The following FAM50B variants were observed in gnomAD, a reference collection of about 807,000 sequenced individuals.
FAM50B encodes protein FAM50B.
A neutral mutation model predicts 25.4 loss-of-function variants in FAM50B; 9 were observed. The observed-to-expected ratio is 0.35, with a 90% CI of 0.21 to 0.62. FAM50B has a LOEUF of 0.62. FAM50B is among the 20% of genes least tolerant of loss of function. FAM50B has a pLI of 0.73. For missense variants in FAM50B, 372 were observed against 477.9 expected (o/e 0.78, Z 2.07); for synonymous variants, 212 against 204.3 (o/e 1.04, Z -0.32).
chr6:3,844,578 G>A (rs1762100412), upstream of FAM50B, among the ~76,000 whole-genome samples: 1 of 152,114 alleles, frequency 6.6e-6, no homozygotes, highest in Non-Finnish European at 1.5e-5. Flanking sequence ...GGGCGTGGTG[G>A]TGGGCGCCTG....
the FAM50B span, among the ~76,000 whole-genome samples, chr6:3,841,548 G>T: frequency 6.6e-6 from 1 of 152,170 alleles, no homozygotes; most frequent in Non-Finnish European, 1.5e-5. Flanking sequence ...TTATAACGTT[G>T]TCAGAGACAA....
In FAM50B at chr6:3,850,121, C is replaced by T. The variant is rs1244172012; in HGVS notation, c.310C>T (p.Gln104Ter). 3 of 1,609,524 alleles carry T rather than the reference C, an allele frequency of 1.9e-6. No homozygotes were observed. Among genetic ancestry groups the T allele is most frequent in the African/African-American group, 1.3e-5 (1 of 74,886 alleles). Reference protein sequence around the residue: ...LEEQRLQQERQREQEQRRERK... With the variant: ...LEEQRLQQER ...GGAGCAGCGGCTGCAGCAGGAGCGG[C>T]AGCGGGAGCAGGAGCAGCGGCGCGA... The change falls in exon 2 of 2, where the codon CAG (glutamine) becomes TAG (stop). Residue 104 changes from glutamine (Q) to a stop codon, truncating the protein, a stop_gained. Transcript: ENST00000648326. LOFTEE classifies it high-confidence loss of function.
At chr6:3,841,460 T>C in the FAM50B span, among the ~76,000 whole-genome samples, 1 of 152,054 alleles carries the variant, frequency 6.6e-6, no homozygotes, top group Non-Finnish European at 1.5e-5. Context: ...CATAGAGGGG[T>C]GTTCTCTACA....
chr6:3,844,291 TAGAACAGA>T, the FAM50B span, among the ~76,000 whole-genome samples: 108 of 152,358 alleles, frequency 7.1e-4, no homozygotes, highest in South Asian at 9.5e-3. Context: ...TCTGAGTCAC[TAGAACAGA>T]ATGCTGCTCC....
At chr6:3,848,748 T>G (rs139298797), upstream of FAM50B, among the ~76,000 whole-genome samples, 454 of 152,278 alleles carry the variant, frequency 3.0e-3, 5 homozygotes, top group African/African-American at 9.5e-3. Flanking sequence ...GTAAAGACAC[T>G]GCTACACTTT....
chr6:3,850,072 G>T lies in FAM50B; in HGVS notation c.261G>T (p.Gln87His), dbSNP rs758842799. 1 of 1,610,590 alleles carries T rather than the reference G, an allele frequency of 6.2e-7. No homozygotes were observed. Among genetic ancestry groups the T allele is most frequent in the South Asian group, 1.1e-5 (1 of 90,892 alleles). ...QEALVRERER[Q>H]LAKRQHLEEQ... ...CCCTGGTCAGGGAGCGCGAGCGGCAGCTGGCCAAGCGCCAGCACCTGGAGG... is the reference window on the plus strand; with the variant it reads ...CCCTGGTCAGGGAGCGCGAGCGGCATCTGGCCAAGCGCCAGCACCTGGAGG... Residue 87 changes from glutamine to histidine, a missense_variant, in exon 2 of 2, where the codon CAG becomes CAT. By Grantham distance (24) the Gln-to-His change is conservative (BLOSUM62 0). Transcript: ENST00000648326.
chr6:3,833,816 TC>T, the FAM50B span: 1 of 151,982 alleles, frequency 6.6e-6, no homozygotes, highest in Non-Finnish European at 1.5e-5. Context: ...AACTGTTGAG[TC>T]AAGTCACATC....
At chr6:3,839,075 T>C in the FAM50B span, among the ~76,000 whole-genome samples, 1 of 151,714 alleles carries the variant, frequency 6.6e-6, no homozygotes, top group East Asian at 1.9e-4. Context: ...TCGGGTGATT[T>C]ATAAAGAAAA....
chr6:3,835,935 A>C, the FAM50B span, among the ~76,000 whole-genome samples: 1 of 152,192 alleles, frequency 6.6e-6, no homozygotes, highest in Non-Finnish European at 1.5e-5. Context: ...ATTTGTTAAG[A>C]GTCAATTTTG....
chr6:3,850,978 G>A lies in FAM50B; in HGVS notation c.*189G>A. The A allele has an allele frequency of 1.1e-6, 1 of 930,100 alleles. No homozygotes were observed. Among genetic ancestry groups the A allele is most frequent in the African/African-American group, 1.7e-5 (1 of 59,698 alleles). The allele number at this position is 930,100 out of a possible 1,614,324, so 57.6% of individuals were successfully genotyped here. The stretch of plus-strand genomic sequence containing the variant: ...TGGTTGCTTGGTTGGTCTTTTCTGA[G>A]TATTTTAGTGTTGCCACCTGGATTT... On this transcript the variant is annotated 3_prime_UTR_variant, in exon 2 of 2. Coordinates refer to ENST00000648326, the MANE Select transcript of FAM50B (RefSeq NM_012135.3).
chr6:3,842,317 T>C, the FAM50B span, among the ~76,000 whole-genome samples: 3 of 152,170 alleles, frequency 2.0e-5, no homozygotes, highest in African/African-American at 7.2e-5. Flanking sequence ...CGTAGCACTT[T>C]CCAAAAAAAG....
chr6:3,845,885 T>C (rs1561773678), upstream of FAM50B, among the ~76,000 whole-genome samples: 1 of 152,042 alleles, frequency 6.6e-6, no homozygotes, highest in African/African-American at 2.4e-5. Context: ...CCAGCTAATT[T>C]TTTTTATTTT....
At position 3,849,474 on chromosome 6, in the gene FAM50B, G is replaced by T. The variant is rs976137069; in HGVS notation, c.-36G>T. The T allele has an allele frequency of 3.6e-5, 9 of 247,884 alleles. No individual in the cohort carries two copies. Among genetic ancestry groups the T allele is most frequent in the African/African-American group, 2.0e-4 (9 of 44,366 alleles). The allele number at this position is 247,884 out of a possible 1,614,324, so 15.4% of individuals were successfully genotyped here. On this transcript the variant is annotated 5_prime_UTR_variant, in exon 1 of 2. Transcript: ENST00000648326. ...GCTCCCGCGTGTCTCCGCTCGACAGGGTGCTTGGGCAGGTAAGGGTCCGCT... is the reference window on the plus strand; with the variant it reads ...GCTCCCGCGTGTCTCCGCTCGACAGTGTGCTTGGGCAGGTAAGGGTCCGCT...
At position 3,850,571 on chromosome 6, in the gene FAM50B, A is replaced by G. The variant is rs1476945821; in HGVS notation, c.760A>G (p.Ile254Val). 2.5e-6 allele frequency: 4 copies of G among 1,614,102 alleles called. No individual in the cohort carries two copies. The South Asian group carries it at 3.3e-5, about 13-fold the overall frequency. Reference protein sequence around the residue: ...LPHYHTFYDFIIARARGKSGP... With the variant: ...LPHYHTFYDFVIARARGKSGP... The stretch of plus-strand genomic sequence containing the variant: ...GCACTACCACACCTTCTACGACTTC[A>G]TCATCGCCAGGGCGAGGGGCAAGAG... Residue 254 changes from isoleucine (I) to valine (V), a missense_variant, in exon 2 of 2, where the codon ATC becomes GTC. Physicochemically the swap from Ile to Val is conservative, Grantham distance 29. This residue lies in a region of FAM50B where 27 missense variants were observed against 61.6 expected (regional missense o/e 0.44). Coordinates refer to ENST00000648326, the MANE Select transcript of FAM50B (RefSeq NM_012135.3).
Position 3,849,750 on chromosome 6 carries a change from G to T in FAM50B, c.-23-39G>T. On this transcript the variant is annotated intron_variant, in intron 1 of 1. Coordinates refer to ENST00000648326, the MANE Select transcript of FAM50B (RefSeq NM_012135.3). ...CTGAGCATTCCCCGCCGTTGCGTGG[G>T]CCCCCCTCTACCTGCCGCGTTTTTC... is the stretch of plus-strand genomic sequence containing the variant. The T allele has an allele frequency of 2.0e-6, 3 of 1,515,942 alleles. No homozygotes were observed. The East Asian group carries it at 7.0e-5, about 36-fold the overall frequency. 93.9% of individuals were successfully genotyped at this position (1,515,942 alleles called of 1,614,324 possible). A position where few individuals can be genotyped will look rare whatever the true frequency, so the allele number is the denominator to read the frequency against.
chr6:3,849,859 C>T lies in FAM50B; in HGVS notation c.48C>T (p.His16=), dbSNP rs771415379. ...TGCGCGAGGCAGGCCGTGCCATGCA[C>T]CTCCTCAAGAAGCGCGAAAGGCAGC... The part of the protein sequence containing the change: ...GTMREAGRAM[H]LLKKRERQRE... Residue 16 remains histidine (H), a synonymous_variant, in exon 2 of 2, where the codon CAC becomes CAT. Transcript: ENST00000648326. The T allele has an allele frequency of 3.9e-5, 63 of 1,613,238 alleles. No individual in the cohort carries two copies. Among genetic ancestry groups the T allele is most frequent in the East Asian group, 8.9e-5 (4 of 44,882 alleles).
chr6:3,840,841 T>C, the FAM50B span, among the ~76,000 whole-genome samples: 12 of 152,310 alleles, frequency 7.9e-5, no homozygotes, highest in African/African-American at 1.4e-4. Flanking sequence ...TACATAACTA[T>C]ATACCAAAAA....
chr6:3,850,526 A>T lies in FAM50B; in HGVS notation c.715A>T (p.Lys239Ter). Residue 239 changes from lysine (K) to a stop codon, truncating the protein, a stop_gained, in exon 2 of 2, where the codon AAG (lysine) becomes TAG (stop). Transcript: ENST00000648326. LOFTEE classifies it high-confidence loss of function. ...SAGVEQLMFI[K>*]EDLILPHYHT... Reference sequence around the variant, plus strand: ...CGGCGTGGAGCAGCTCATGTTCATCAAGGAGGACCTCATCCTGCCGCACTA... The same window carrying T: ...CGGCGTGGAGCAGCTCATGTTCATCTAGGAGGACCTCATCCTGCCGCACTA... The T allele has an allele frequency of 6.2e-7, 1 of 1,613,924 alleles. No homozygotes were observed. The highest frequency in any genetic ancestry group is 8.5e-7 in the Non-Finnish European group (1 of 1,180,016).
upstream of FAM50B, among the ~76,000 whole-genome samples, chr6:3,845,635 G>A (rs773682881): frequency 6.6e-6 from 1 of 152,164 alleles, no homozygotes; most frequent in Non-Finnish European, 1.5e-5. Flanking sequence ...TCTTGGAGAT[G>A]ACATTTGTGC....
Sources: gnomAD v4.1 joint callset for allele counts (sites outside exome capture counted in the v4.1 genomes callset) on GRCh38, gnomAD v4.1.1 for gene constraint, gnomAD v4.1.1 regional missense constraint, MANE v1.5 for transcripts, NCBI Gene and HGNC (gene_info 2026-07-23, HGNC 2026-07-21) for gene names.